The following CRACD variants were observed in gnomAD, a reference collection of about 807,000 sequenced individuals.
CRACD encodes the protein capping protein inhibiting regulator of actin dynamics, also known as capping protein-inhibiting regulator of actin dynamics.
CRACD carries 56 observed loss-of-function variants against 106.8 expected under a neutral mutation model. The observed-to-expected ratio is 0.52, with a 90% CI of 0.42 to 0.66. The LOEUF (loss-of-function observed/expected upper bound fraction) is 0.66, where lower values mean the gene tolerates loss of function less well. Among genes scored for constraint, CRACD ranks in the 30% least tolerant of loss-of-function variants. CRACD has a pLI of 0.00. For synonymous variants in CRACD, 754 were observed against 670.8 expected (o/e 1.12, Z -1.92); for missense variants, 1,730 against 1,623.2 (o/e 1.07, Z -1.13).
At chr4:56,058,473 G>A (rs1732162483) in intron 1 of CRACD, among the ~76,000 whole-genome samples, 1 of 152,144 alleles carries the variant, frequency 6.6e-6, no homozygotes, top group Non-Finnish European at 1.5e-5. Context: ...TTTTGCCTGT[G>A]TTCTGAAGAA....
chr4:56,274,301 T>G (rs73817461), intron 3 of CRACD, among the ~76,000 whole-genome samples: 2 of 151,760 alleles, frequency 1.3e-5, no homozygotes, highest in East Asian at 1.9e-4. Context: ...GAGGAACAGA[T>G]AGTAAAATGA....
chr4:56,074,393 G>T (rs1285795234), intron 1 of CRACD, among the ~76,000 whole-genome samples: 1 of 152,088 alleles, frequency 6.6e-6, no homozygotes, highest in African/African-American at 2.4e-5. Flanking sequence ...CCTTGAAGAG[G>T]TCCTTCATGT....
intron 1 of CRACD, among the ~76,000 whole-genome samples, chr4:56,065,367 C>T (rs1365265489): frequency 2.0e-5 from 3 of 152,138 alleles, no homozygotes; most frequent in South Asian, 2.1e-4. Context: ...GGATTACAGT[C>T]GTGAGCCACT....
chr4:56,150,988 T>A (rs1735558111), intron 1 of CRACD, among the ~76,000 whole-genome samples: 1 of 152,100 alleles, frequency 6.6e-6, no homozygotes, highest in South Asian at 2.1e-4. Flanking sequence ...GAGGGTTTTC[T>A]TTTTTATATA....
At chr4:56,107,257 A>G (rs1733979921) in intron 1 of CRACD, among the ~76,000 whole-genome samples, 1 of 152,150 alleles carries the variant, frequency 6.6e-6, no homozygotes. Flanking sequence ...TTGGGATTAC[A>G]GGTGTGAGCC....
chr4:56,146,426 T>A (rs1477575601), intron 1 of CRACD, among the ~76,000 whole-genome samples: 2 of 151,240 alleles, frequency 1.3e-5, no homozygotes, highest in Non-Finnish European at 1.5e-5. Flanking sequence ...TTATTTTATT[T>A]TTATTATTAT....
At chr4:56,151,850 G>A (rs1229498252) in intron 1 of CRACD, among the ~76,000 whole-genome samples, 2 of 152,046 alleles carry the variant, frequency 1.3e-5, no homozygotes, top group African/African-American at 4.8e-5. Flanking sequence ...TTAGATGCAA[G>A]TTAGGTATTT....
intron 1 of CRACD, among the ~76,000 whole-genome samples, chr4:56,095,893 T>C (rs1257498871): frequency 6.6e-6 from 1 of 152,126 alleles, no homozygotes; most frequent in African/African-American, 2.4e-5. Flanking sequence ...AGTAGTGAGA[T>C]ATGGTTTTTA....
intron 1 of CRACD, among the ~76,000 whole-genome samples, chr4:56,140,468 C>A (rs981362651): frequency 1.3e-5 from 2 of 152,166 alleles, no homozygotes; most frequent in Non-Finnish European, 2.9e-5. Flanking sequence ...TTCTCTGAAG[C>A]ATGCATACAC....
intron 1 of CRACD, among the ~76,000 whole-genome samples, chr4:56,057,089 G>T (rs1403973793): frequency 1.3e-5 from 2 of 152,116 alleles, no homozygotes; most frequent in African/African-American, 2.4e-5. Context: ...CTTTTAAAAT[G>T]TATCTACTAA....
intron 1 of CRACD, among the ~76,000 whole-genome samples, chr4:56,143,568 G>A (rs572455240): frequency 1.1e-4 from 16 of 151,990 alleles, no homozygotes; most frequent in Non-Finnish European, 2.1e-4. Context: ...TTTTGAGGTC[G>A]TGAAATGTTC....
intron 2 of CRACD, among the ~76,000 whole-genome samples, chr4:56,263,911 G>C (rs1348309231): frequency 6.6e-6 from 1 of 151,846 alleles, no homozygotes; most frequent in Non-Finnish European, 1.5e-5. Context: ...CTCTCTCTCT[G>C]TATTAGTCTG....
Position 56,314,973 on chromosome 4 carries a change from C to T in CRACD, c.1471C>T (p.Leu491Phe), listed in dbSNP as rs774008028. ...GAGAGAAGAAGGGGACACGGAGCCT[C>T]TCCTGAAACAAGAGGGGCCGGTGGA... is the stretch of plus-strand genomic sequence containing the variant. ...EKREEGDTEP[L>F]LKQEGPVEAA... Residue 491 changes from leucine to phenylalanine, a missense_variant, in exon 8 of 11, where the codon CTC becomes TTC. By Grantham distance (22) the Leu-to-Phe change is conservative. Transcript: ENST00000682029. This position sits in a 1 kb window ranked among gnomAD's most constrained non-coding sequence, Gnocchi z 4.4. 3.1e-6 allele frequency: 5 copies of T among 1,588,326 alleles called. No homozygotes were observed. The highest frequency in any genetic ancestry group is 3.4e-6 in the Non-Finnish European group (4 of 1,168,824).
At chr4:56,173,520 A>C (rs1415846279) in intron 1 of CRACD, among the ~76,000 whole-genome samples, 2 of 152,218 alleles carry the variant, frequency 1.3e-5, no homozygotes, top group African/African-American at 2.4e-5. Flanking sequence ...ACACCTCGCT[A>C]TATTAAATAT....
At chr4:56,268,749 A>G (rs1440843382) in intron 2 of CRACD, among the ~76,000 whole-genome samples, 1 of 152,246 alleles carries the variant, frequency 6.6e-6, no homozygotes, top group East Asian at 1.9e-4. Flanking sequence ...GGTGCCTTAC[A>G]GAATGTTTTT....
At chr4:56,123,166 T>C (rs1357233415) in intron 1 of CRACD, among the ~76,000 whole-genome samples, 1 of 152,244 alleles carries the variant, frequency 6.6e-6, no homozygotes, top group Admixed American at 6.5e-5. Flanking sequence ...TGACATTTGC[T>C]GAGAGCTTAC....
intron 2 of CRACD, among the ~76,000 whole-genome samples, chr4:56,197,740 G>T (rs1737677760): frequency 6.6e-6 from 1 of 151,584 alleles, no homozygotes; most frequent in South Asian, 2.1e-4. Flanking sequence ...TGCAGTGGTG[G>T]GATCTCTGCT....
At chr4:56,214,594 A>C (rs1363331354) in intron 2 of CRACD, among the ~76,000 whole-genome samples, 1 of 150,358 alleles carries the variant, frequency 6.7e-6, no homozygotes, top group Admixed American at 6.6e-5. Context: ...TGTCTCAAGG[A>C]GAAAAAAAAA....
At chr4:56,277,711 T>C (rs185469830) in intron 3 of CRACD, among the ~76,000 whole-genome samples, 2 of 152,256 alleles carry the variant, frequency 1.3e-5, no homozygotes, top group South Asian at 4.1e-4. Flanking sequence ...TAGGAAGAAG[T>C]AAAACTGTAC....
Sources: gnomAD v4.1 joint callset for allele counts (sites outside exome capture counted in the v4.1 genomes callset) on GRCh38, gnomAD v4.1.1 for gene constraint, Gnocchi (gnomAD v3.1) non-coding constraint, MANE v1.5 for transcripts, NCBI Gene and HGNC (gene_info 2026-07-23, HGNC 2026-07-21) for gene names.